Variants in TGFBR3 observed in about 807,000 individuals in gnomAD.
TGFBR3 encodes transforming growth factor beta receptor type 3.
TGFBR3 carries 46 observed loss-of-function variants against 87.9 expected under a neutral mutation model. That is an observed-to-expected ratio of 0.52 (90% CI 0.41 to 0.67). The LOEUF (loss-of-function observed/expected upper bound fraction) is 0.67, where lower values mean the gene tolerates loss of function less well. Among genes scored for constraint, TGFBR3 ranks in the 30% least tolerant of loss-of-function variants. The probability of loss-of-function intolerance (pLI) is 0.00; values close to 1 mark genes in which losing one functional copy is unlikely to be tolerated. For missense variants in TGFBR3, 866 were observed against 1,041.9 expected (o/e 0.83, Z 2.32); for synonymous variants, 381 against 391.6 (o/e 0.97, Z 0.32).
intron 3 of TGFBR3, among the ~76,000 whole-genome samples, chr1:91,787,844 C>G (rs1438245141): frequency 6.6e-6 from 1 of 151,424 alleles, no homozygotes; most frequent in Non-Finnish European, 1.5e-5. Flanking sequence ...CCCAGCTACT[C>G]AAGAGGCTGA....
At chr1:91,718,599 C>T (rs572996872) in intron 10 of TGFBR3, among the ~76,000 whole-genome samples, 1 of 152,030 alleles carries the variant, frequency 6.6e-6, no homozygotes, top group South Asian at 2.1e-4. Context: ...ATTTTAAATT[C>T]TTTTAATATT....
chr1:91,887,524 C>T (rs1205476541), upstream of TGFBR3, among the ~76,000 whole-genome samples: 1 of 152,068 alleles, frequency 6.6e-6, no homozygotes, highest in African/African-American at 2.4e-5. Flanking sequence ...CCTTGGCCTC[C>T]CAAAGTGCTG....
intron 1 of TGFBR3, among the ~76,000 whole-genome samples, chr1:91,900,707 G>C (rs1337693024): frequency 1.3e-5 from 2 of 152,148 alleles, no homozygotes; most frequent in Non-Finnish European, 2.9e-5. Context: ...AATCCACAAG[G>C]TGGTCCAACA....
intron 2 of TGFBR3, among the ~76,000 whole-genome samples, chr1:91,803,291 C>G (rs1258607583): frequency 6.6e-6 from 1 of 152,236 alleles, no homozygotes; most frequent in African/African-American, 2.4e-5. Context: ...GCTGGACACA[C>G]AGCCACCCAG....
At chr1:91,846,411 A>G (rs1226942092) in intron 2 of TGFBR3, among the ~76,000 whole-genome samples, 1 of 152,240 alleles carries the variant, frequency 6.6e-6, no homozygotes, top group Non-Finnish European at 1.5e-5. Flanking sequence ...CACAAGGGCC[A>G]GGCTGAGACC....
rs904665364 is a variant in TGFBR3 at position 91,681,974 on chromosome 1, T to C, written c.*1765A>G. 1 of 453,536 alleles carries C rather than the reference T, an allele frequency of 2.2e-6. No homozygotes were observed. Among genetic ancestry groups the C allele is most frequent in the African/African-American group, 2.0e-5 (1 of 49,954 alleles). The allele number at this position is 453,536 out of a possible 1,614,324, so 28.1% of individuals were successfully genotyped here. A position where few individuals can be genotyped will look rare whatever the true frequency, so the allele number is the denominator to read the frequency against. ...TTGTATATGGAAATCTAGAAATTTT[T>C]CAGTAGATCAATGTAGATAGCCTGG... is the stretch of plus-strand genomic sequence containing the variant. On this transcript the variant is annotated 3_prime_UTR_variant, in exon 17 of 17. Coordinates refer to ENST00000212355, the MANE Select transcript of TGFBR3 (RefSeq NM_003243.5).
intron 1 of TGFBR3, among the ~76,000 whole-genome samples, chr1:91,883,347 G>C (rs767998473): frequency 6.6e-6 from 1 of 152,076 alleles, no homozygotes; most frequent in Non-Finnish European, 1.5e-5. Flanking sequence ...AACTATATGT[G>C]TGTTTATCTA....
At chr1:91,729,691 C>T in intron 6 of TGFBR3, 114 bp downstream of exon 6, 1 of 1,243,016 alleles carries the variant, frequency 8.0e-7, no homozygotes, top group East Asian at 2.3e-5. Context: ...TCAATGGCTC[C>T]CTTCCCTCCT....
Position 91,894,895 on chromosome 1 carries a change from C to T in TGFBR3, c.-114+4742G>A, listed in dbSNP as rs369648802. 9.9e-5 allele frequency among the ~76,000 whole-genome samples: 15 copies of T among 152,282 alleles called. No individual in the cohort carries two copies. In the East Asian group the frequency reaches 1.5e-3, roughly 16 times the overall value. ...AAGAGATTCTCCTGCCTCAGCCTCC[C>T]GAGTAGCTGGGACTACAGGTATGTA... On this transcript the variant is annotated intron_variant, in intron 2 of 17. Coordinates refer to the TGFBR3 transcript ENST00000370399.
chr1:91,855,046 G>T (rs1471325866), intron 2 of TGFBR3, among the ~76,000 whole-genome samples: 2 of 152,156 alleles, frequency 1.3e-5, no homozygotes, highest in Non-Finnish European at 2.9e-5. Flanking sequence ...GTATTAACCA[G>T]CTGGTATCTC....
At chr1:91,802,447 A>G (rs1675667338) in intron 2 of TGFBR3, among the ~76,000 whole-genome samples, 1 of 148,606 alleles carries the variant, frequency 6.7e-6, no homozygotes, top group South Asian at 2.1e-4. Context: ...TGCAGCCTCC[A>G]CTCCCCAGGT....
At position 91,733,564 on chromosome 1, in the gene TGFBR3, G is replaced by T. The variant is rs1322071323; in HGVS notation, c.568+1212C>A. Among the ~76,000 whole-genome samples, 4 of 152,152 alleles carry T rather than the reference G, an allele frequency of 2.6e-5. No individual in the cohort carries two copies. In the South Asian group the frequency reaches 6.2e-4, roughly 24 times the overall value. ...AGTGTTCACTAACCCACCCTTCCCT[G>T]TCTTGTCTATGAGGAGGTGACAGCT... is the stretch of plus-strand genomic sequence containing the variant. On this transcript the variant is annotated intron_variant, in intron 5 of 16. Coordinates refer to ENST00000212355, the MANE Select transcript of TGFBR3 (RefSeq NM_003243.5).
chr1:91,729,035 C>T (rs1189418602), intron 6 of TGFBR3, among the ~76,000 whole-genome samples: 2 of 9,606 alleles, frequency 2.1e-4, no homozygotes, highest in African/African-American at 9.6e-4. Context: ...CTCCAGCATA[C>T]ACACACACAC....
At position 91,680,536 on chromosome 1, in the gene TGFBR3, G is replaced by A. The variant is rs1278551562; in HGVS notation, c.*3203C>T. On this transcript the variant is annotated 3_prime_UTR_variant, in exon 17 of 17. Transcript: ENST00000212355. Reference sequence around the variant, plus strand: ...TTACCCTCATAGATGATGAAAACCAGCAACAAAATCAGGCTCATTCAGGAA... The same window carrying A: ...TTACCCTCATAGATGATGAAAACCAACAACAAAATCAGGCTCATTCAGGAA... 1 of 453,984 alleles carries A rather than the reference G, an allele frequency of 2.2e-6. No individual in the cohort carries two copies. Among genetic ancestry groups the A allele is most frequent in the South Asian group, 1.6e-5 (1 of 64,474 alleles). The allele number at this position is 453,984 out of a possible 1,614,324, so 28.1% of individuals were successfully genotyped here.
chr1:91,890,481 G>A (rs1463097415), upstream of TGFBR3, among the ~76,000 whole-genome samples: 5 of 133,366 alleles, frequency 3.7e-5, no homozygotes, highest in Admixed American at 8.6e-5. Flanking sequence ...GTGCAGTGGC[G>A]CCATCTTGGC....
At chr1:91,732,009 A>C (rs1672792907) in intron 5 of TGFBR3, among the ~76,000 whole-genome samples, 1 of 152,190 alleles carries the variant, frequency 6.6e-6, no homozygotes. Context: ...CCGAGTGCCA[A>C]GTAGAAAGGA....
chr1:91,714,418 T>C (rs1672089044), intron 12 of TGFBR3, among the ~76,000 whole-genome samples: 1 of 152,200 alleles, frequency 6.6e-6, no homozygotes. Context: ...CACCTGGAGA[T>C]GACCAATGAA....
chr1:91,865,073 C>G (rs982026788), intron 1 of TGFBR3, among the ~76,000 whole-genome samples: 4 of 151,670 alleles, frequency 2.6e-5, no homozygotes, highest in Admixed American at 6.6e-5. Context: ...CGTGGTGGTA[C>G]GTGCCTGTAA....
chr1:91,789,062 C>G lies in TGFBR3; in HGVS notation c.246+8225G>C, dbSNP rs540849646. 1.8e-3 allele frequency among the ~76,000 whole-genome samples: 267 copies of G among 152,286 alleles called. 1 individual carries two copies. The highest frequency in any genetic ancestry group is 5.8e-3 in the African/African-American group (242 of 41,578). On this transcript the variant is annotated intron_variant, in intron 3 of 16. Coordinates refer to ENST00000212355, the MANE Select transcript of TGFBR3 (RefSeq NM_003243.5). Reference sequence around the variant, plus strand: ...CCTGTAATCCCAGCACTTTGGGAAGCCGAGGCTGACGGATCACAAGGTCAA... The same window carrying G: ...CCTGTAATCCCAGCACTTTGGGAAGGCGAGGCTGACGGATCACAAGGTCAA...
Sources: allele counts gnomAD v4.1 joint callset (sites outside exome capture counted in the v4.1 genomes callset), GRCh38; gene constraint gnomAD v4.1.1; transcripts MANE v1.5; gene names NCBI Gene and HGNC (gene_info 2026-07-23, HGNC 2026-07-21).